The following MTBP variants were observed in gnomAD, a reference collection of about 807,000 sequenced individuals.
MTBP encodes MDM2 binding protein.
A neutral mutation model predicts 117.0 loss-of-function variants in MTBP; 101 were observed. The ratio of observed to expected loss-of-function variants is 0.86; its 90% CI spans 0.73 to 1.02. The LOEUF (loss-of-function observed/expected upper bound fraction) is 1.02, where lower values mean the gene tolerates loss of function less well. Ranked by LOEUF, MTBP falls within the 50% of genes least tolerant of loss-of-function variation. The pLI, the probability that MTBP is intolerant of heterozygous loss-of-function variation, is 0.00. For missense variants in MTBP, 970 were observed against 1,030.9 expected (o/e 0.94, Z 0.81); for synonymous variants, 350 against 351.5 (o/e 1.00, Z 0.05).
chr8:120,509,870 TTCTTTAACTTTCTTTTTGTCAG>T, intron 16 of MTBP, 42 bp from the exon 17 acceptor site: 1 of 1,147,202 alleles, frequency 8.7e-7, no homozygotes, highest in Non-Finnish European at 1.3e-6. Flanking sequence ...ATTAGATACT[TTCTTTAACTTTCTTTTTGTCAG>T]TAAATAAACT....
intron 15 of MTBP, among the ~76,000 whole-genome samples, chr8:120,506,362 G>A (rs556754983): frequency 6.6e-6 from 1 of 152,182 alleles, no homozygotes; most frequent in East Asian, 1.9e-4. Flanking sequence ...TTAGATTTAA[G>A]TTTTATAGAA....
At position 120,516,163 on chromosome 8, in the gene MTBP, G is replaced by A; in HGVS notation, c.2218G>A (p.Asp740Asn). 1.2e-6 allele frequency: 2 copies of A among 1,611,970 alleles called. No homozygotes were observed. Among genetic ancestry groups the A allele is most frequent in the Non-Finnish European group, 1.7e-6 (2 of 1,178,624 alleles). The change falls in exon 18 of 22, where the codon GAT (aspartate) becomes AAT (asparagine). Residue 740 changes from aspartate to asparagine, a missense_variant. Physicochemically the swap from Asp to Asn is conservative, Grantham distance 23 (BLOSUM62 1). Transcript: ENST00000305949. The part of the protein sequence containing the change: ...EVSRLKRRSK[D>N]LNCLYPRKRL... ...ATCCCGATTGAAACGGAGATCTAAA[G>A]ATCTGAATTGCCTTTATCCCAGAAA...
At chr8:120,455,824 G>A (rs936975559) in intron 6 of MTBP, among the ~76,000 whole-genome samples, 1 of 152,020 alleles carries the variant, frequency 6.6e-6, no homozygotes, top group Non-Finnish European at 1.5e-5. Context: ...AACCATTATT[G>A]AGGATTAATT....
intron 4 of MTBP, chr8:120,452,749 G>GA (rs1813382644): frequency 6.7e-6 from 1 of 149,354 alleles, no homozygotes; most frequent in African/African-American, 2.5e-5. Flanking sequence ...AGAATTGCTT[G>GA]AACCCGGGAG....
chr8:120,518,098 C>G lies in MTBP; in HGVS notation c.2494C>G (p.Arg832Gly), dbSNP rs888408209. The change falls in exon 19 of 22, where the codon CGG (arginine) becomes GGG (glycine). Residue 832 changes from arginine (R) to glycine (G), a missense_variant and splice_region_variant. Coordinates refer to ENST00000305949, the MANE Select transcript of MTBP (RefSeq NM_022045.5). ...IKESRSQKHT[R>G]ILKEVVTETL... ...GGAATCAAGATCACAGAAACACACA[C>G]GGGTAAAGATTTATTTCCCATTTTT... 2 of 1,611,126 alleles carry G rather than the reference C, an allele frequency of 1.2e-6. No homozygotes were observed. Among genetic ancestry groups the G allele is most frequent in the Non-Finnish European group, 1.7e-6 (2 of 1,178,300 alleles).
At chr8:120,496,953 A>C (rs1437453859) in intron 13 of MTBP, among the ~76,000 whole-genome samples, 5 of 152,154 alleles carry the variant, frequency 3.3e-5, no homozygotes, top group Admixed American at 3.3e-4. Flanking sequence ...TTGTTGAAAA[A>C]TGTCATTATT....
chr8:120,449,734 A>G (rs940936436), intron 2 of MTBP, among the ~76,000 whole-genome samples: 2 of 152,194 alleles, frequency 1.3e-5, no homozygotes, highest in Non-Finnish European at 2.9e-5. Flanking sequence ...CACAGAAGCC[A>G]AGTGTTTTAA....
chr8:120,519,032 A>G (rs947518322), intron 20 of MTBP, among the ~76,000 whole-genome samples: 4 of 151,942 alleles, frequency 2.6e-5, no homozygotes, highest in South Asian at 2.1e-4. Flanking sequence ...CCAATATCCT[A>G]TTTCCCCTAA....
In MTBP at chr8:120,451,072, A is replaced by G. The variant is rs1813330159; in HGVS notation, c.269A>G (p.Tyr90Cys). The G allele has an allele frequency of 1.2e-6, 2 of 1,609,074 alleles. No individual in the cohort carries two copies. Among genetic ancestry groups the G allele is most frequent in the Non-Finnish European group, 1.7e-6 (2 of 1,177,250 alleles). The change falls in exon 3 of 22, where the codon TAT becomes TGT. Residue 90 changes from tyrosine (Y) to cysteine (C), a missense_variant. Transcript: ENST00000305949. ...FFAVQAIYGF[Y>C]QFCSSDWQEI... is the part of the protein sequence containing the mutation. ...GCAGTGCAGGCAATATATGGATTTT[A>G]TCAGGTAATATAAATTTAAAGATAG... is the stretch of plus-strand genomic sequence containing the variant.
chr8:120,507,199 G>A (rs1348323952), intron 16 of MTBP, among the ~76,000 whole-genome samples: 1 of 151,830 alleles, frequency 6.6e-6, no homozygotes, highest in Non-Finnish European at 1.5e-5. Context: ...TCTCTTTTCT[G>A]TGTTACTGTA....
chr8:120,474,581 A>T (rs1189141654), intron 11 of MTBP, among the ~76,000 whole-genome samples: 1 of 152,032 alleles, frequency 6.6e-6, no homozygotes, highest in Non-Finnish European at 1.5e-5. Context: ...GTTGCCACAT[A>T]TATTCCAGAA....
chr8:120,522,692 G>A lies in MTBP; in HGVS notation c.2649G>A (p.Lys883=). Residue 883 remains lysine, a synonymous_variant, in exon 21 of 22, where the codon AAG becomes AAA. Coordinates refer to ENST00000305949, the MANE Select transcript of MTBP (RefSeq NM_022045.5). ...CAAGGGGTCTATTTGAAGAAATGAA[G>A]AAAACAGCAAACAACAATGCTGTAC... ...KTSRGLFEEM[K]KTANNNAVQV... The A allele has an allele frequency of 6.2e-7, 1 of 1,605,932 alleles. No homozygotes were observed. Among genetic ancestry groups the A allele is most frequent in the Non-Finnish European group, 8.5e-7 (1 of 1,174,790 alleles).
intron 12 of MTBP, among the ~76,000 whole-genome samples, chr8:120,489,610 G>C (rs1461351542): frequency 6.6e-6 from 1 of 152,144 alleles, no homozygotes; most frequent in Non-Finnish European, 1.5e-5. Context: ...ACCATGTACT[G>C]GTTACCAATT....
At chr8:120,478,884 A>G (rs926564730) in intron 11 of MTBP, among the ~76,000 whole-genome samples, 1 of 152,172 alleles carries the variant, frequency 6.6e-6, no homozygotes, top group East Asian at 1.9e-4. Context: ...AATGATCCAT[A>G]AACACCATGG....
At chr8:120,518,839 T>C (rs772142633) in intron 20 of MTBP, 22 bp downstream of exon 20, 6 of 1,514,846 alleles carry the variant, frequency 4.0e-6, no homozygotes, top group Non-Finnish European at 5.4e-6. Context: ...TCTCTACTAA[T>C]GGCAAAATTT....
chr8:120,516,456 C>T (rs1814922162), intron 18 of MTBP, among the ~76,000 whole-genome samples: 1 of 151,854 alleles, frequency 6.6e-6, no homozygotes, highest in African/African-American at 2.4e-5. Flanking sequence ...GAGATTTCAC[C>T]CCATAGATTA....
intron 2 of MTBP, among the ~76,000 whole-genome samples, chr8:120,447,736 C>A (rs1461597231): frequency 6.6e-6 from 1 of 151,958 alleles, no homozygotes; most frequent in African/African-American, 2.4e-5. Flanking sequence ...ATTTTGTACC[C>A]TGTAATTTTA....
intron 11 of MTBP, among the ~76,000 whole-genome samples, chr8:120,479,413 T>C (rs1290983988): frequency 6.6e-6 from 1 of 152,220 alleles, no homozygotes; most frequent in Non-Finnish European, 1.5e-5. Context: ...AAGTATTCTT[T>C]TAGTCAACAA....
At chr8:120,471,046 T>C (rs1563790835) in intron 11 of MTBP, 109 bp downstream of exon 11, 8 of 714,442 alleles carry the variant, frequency 1.1e-5, no homozygotes, top group Non-Finnish European at 1.8e-5. Context: ...TTTCATATTA[T>C]TGCTACTGAT....
Sources: gnomAD v4.1 joint callset for allele counts (sites outside exome capture counted in the v4.1 genomes callset) on GRCh38, gnomAD v4.1.1 for gene constraint, MANE v1.5 for transcripts, NCBI Gene and HGNC (gene_info 2026-07-23, HGNC 2026-07-21) for gene names.